STX12: variants seen among roughly 807,000 people sequenced by gnomAD.
STX12 encodes syntaxin 12, also known as syntaxin-12.
A neutral mutation model predicts 42.2 loss-of-function variants in STX12; 17 were observed. The observed-to-expected ratio is 0.40, with a 90% CI of 0.28 to 0.60. STX12 has a LOEUF of 0.60. Ranked by LOEUF, STX12 falls within the 20% of genes least tolerant of loss-of-function variation. The pLI, the probability that STX12 is intolerant of heterozygous loss-of-function variation, is 0.39. For synonymous variants in STX12, 108 were observed against 116.7 expected (o/e 0.93, Z 0.48); for missense variants, 297 against 330.9 (o/e 0.90, Z 0.79).
At chr1:27,792,630 G>A (rs2088757298) in intron 2 of STX12, among the ~76,000 whole-genome samples, 1 of 151,934 alleles carries the variant, frequency 6.6e-6, no homozygotes, top group South Asian at 2.1e-4. Context: ...ACCATAAACT[G>A]AGTAGTTTAT....
intron 3 of STX12, among the ~76,000 whole-genome samples, chr1:27,798,355 C>T (rs1348523854): frequency 2.0e-5 from 3 of 151,618 alleles, no homozygotes; most frequent in Non-Finnish European, 4.4e-5. Context: ...AACATCTCTA[C>T]AAAAATTAGC....
At chr1:27,791,941 G>A (rs139576506) in intron 2 of STX12, among the ~76,000 whole-genome samples, 183 of 149,332 alleles carry the variant, frequency 1.2e-3, no homozygotes, top group African/African-American at 4.3e-3. Context: ...CCAAGATCGC[G>A]CCACAGCACT....
chr1:27,782,220 C>G (rs1448103637), intron 1 of STX12, among the ~76,000 whole-genome samples: 1 of 152,184 alleles, frequency 6.6e-6, no homozygotes, highest in Non-Finnish European at 1.5e-5. Flanking sequence ...CCACCTCCAC[C>G]TTCCGAGTAG....
At position 27,824,285 on chromosome 1, in the gene STX12, G is replaced by C. The variant is rs912578775; in HGVS notation, c.*1956G>C. 6.6e-6 allele frequency: 1 copy of C among 152,152 alleles called. No homozygotes were observed. Among genetic ancestry groups the C allele is most frequent in the Non-Finnish European group, 1.5e-5 (1 of 68,038 alleles). 9.4% of individuals were successfully genotyped at this position (152,152 alleles called of 1,614,324 possible). Reference sequence around the variant, plus strand: ...GATTTGCATTTGGGTAAAATAAAGTGACCATGCTTTTGTTCTGTAATACTG... The same window carrying C: ...GATTTGCATTTGGGTAAAATAAAGTCACCATGCTTTTGTTCTGTAATACTG... On this transcript the variant is annotated 3_prime_UTR_variant, in exon 9 of 9. Coordinates refer to ENST00000373943, the MANE Select transcript of STX12 (RefSeq NM_177424.3).
At chr1:27,800,092 T>C (rs997209047) in intron 3 of STX12, among the ~76,000 whole-genome samples, 2 of 152,236 alleles carry the variant, frequency 1.3e-5, no homozygotes, top group Non-Finnish European at 2.9e-5. Context: ...TTGGCCCCTT[T>C]CTTAACTTTC....
chr1:27,786,714 A>G (rs1169467325), intron 1 of STX12, among the ~76,000 whole-genome samples: 2 of 152,234 alleles, frequency 1.3e-5, no homozygotes, highest in Non-Finnish European at 2.9e-5. Context: ...CTCATATGCA[A>G]CAATGGAATA....
At chr1:27,801,368 C>T (rs778384415) in intron 3 of STX12, among the ~76,000 whole-genome samples, 5 of 150,962 alleles carry the variant, frequency 3.3e-5, no homozygotes, top group East Asian at 1.9e-4. Flanking sequence ...CATGCCACTG[C>T]GCTCCAGCCT....
intron 2 of STX12, among the ~76,000 whole-genome samples, chr1:27,793,013 G>A (rs1420095192): frequency 2.6e-5 from 4 of 152,182 alleles, no homozygotes; most frequent in African/African-American, 9.7e-5. Context: ...CCAAGGATAA[G>A]GCTAGAAAAG....
chr1:27,795,409 G>A (rs990636088), intron 3 of STX12, among the ~76,000 whole-genome samples: 4 of 151,824 alleles, frequency 2.6e-5, no homozygotes, highest in Non-Finnish European at 4.4e-5. Context: ...AGGTTCAAGC[G>A]ATTCTCCTGC....
intron 6 of STX12, among the ~76,000 whole-genome samples, chr1:27,814,855 T>C (rs973753542): frequency 1.5e-5 from 2 of 135,184 alleles, no homozygotes; most frequent in African/African-American, 6.0e-5. Context: ...AAAAAAAAAA[T>C]ACAGTTGGCC....
chr1:27,814,494 A>G (rs189395631), intron 6 of STX12, among the ~76,000 whole-genome samples: 1 of 152,230 alleles, frequency 6.6e-6, no homozygotes, highest in African/African-American at 2.4e-5. Context: ...TGCCACTGCA[A>G]TCCAGCCTGG....
intron 4 of STX12, among the ~76,000 whole-genome samples, chr1:27,809,017 C>G (rs1208219583): frequency 6.6e-6 from 1 of 152,120 alleles, no homozygotes; most frequent in Non-Finnish European, 1.5e-5. Flanking sequence ...AAATCTGCCA[C>G]GATTTGAAGC....
chr1:27,809,905 G>C (rs886090653), intron 4 of STX12: 9 of 192,516 alleles, frequency 4.7e-5, no homozygotes, highest in African/African-American at 2.1e-4. Flanking sequence ...ATTTTTACAT[G>C]TTCTGAAATT....
intron 3 of STX12, among the ~76,000 whole-genome samples, chr1:27,795,274 G>A (rs2088776303): frequency 6.6e-6 from 1 of 151,686 alleles, no homozygotes; most frequent in Admixed American, 6.6e-5. Flanking sequence ...ACATACATAT[G>A]TGTATGTATG....
chr1:27,809,955 A>G (rs538702281), intron 4 of STX12: 17 of 241,222 alleles, frequency 7.0e-5, no homozygotes, highest in African/African-American at 3.6e-4. Flanking sequence ...CCTAAATTTT[A>G]AAATATTTTA....
intron 5 of STX12, among the ~76,000 whole-genome samples, chr1:27,811,638 G>T (rs1409496235): frequency 2.0e-5 from 3 of 151,662 alleles, no homozygotes; most frequent in South Asian, 2.1e-4. Context: ...CGCCTGGCCT[G>T]TTAAGAGGTA....
At chr1:27,782,791 G>A (rs1280338997) in intron 1 of STX12, among the ~76,000 whole-genome samples, 8 of 152,158 alleles carry the variant, frequency 5.3e-5, no homozygotes, top group African/African-American at 1.4e-4. Context: ...AGCTGAGACC[G>A]TGCCATTGCA....
At chr1:27,778,664 T>C (rs2088643641) in intron 1 of STX12, among the ~76,000 whole-genome samples, 1 of 144,562 alleles carries the variant, frequency 6.9e-6, no homozygotes, top group African/African-American at 2.6e-5. Flanking sequence ...TCCACTGCAC[T>C]CCAGCCTGGG....
At chr1:27,804,071 T>C (rs2088844128) in intron 4 of STX12, among the ~76,000 whole-genome samples, 1 of 151,992 alleles carries the variant, frequency 6.6e-6, no homozygotes, top group Admixed American at 6.6e-5. Flanking sequence ...AAGATACAAC[T>C]CAATAGAACA....
Sources: allele counts gnomAD v4.1 joint callset (sites outside exome capture counted in the v4.1 genomes callset), GRCh38; gene constraint gnomAD v4.1.1; transcripts MANE v1.5; gene names NCBI Gene and HGNC (gene_info 2026-07-23, HGNC 2026-07-21).